The following ACSM3 variants were observed in gnomAD, a reference collection of about 807,000 sequenced individuals.
ACSM3 encodes acyl-CoA synthetase medium chain family member 3.
Under a neutral mutation model 74.1 loss-of-function variants are expected in ACSM3, and 61 were observed. The observed-to-expected ratio is 0.82, with a 90% CI of 0.67 to 1.02. The LOEUF is 1.02. Among genes scored for constraint, ACSM3 ranks in the 50% least tolerant of loss-of-function variants. ACSM3 has a pLI of 0.00. For missense variants in ACSM3, 660 were observed against 697.0 expected, an observed-to-expected ratio of 0.95 and a Z score of 0.60; for synonymous variants, 213 against 241.5, an observed-to-expected ratio of 0.88 and a Z score of 1.09.
rs1339614675 is a variant in ACSM3, at chr16:20,785,101, T to C, written c.1137T>C (p.Thr379=). 3 of 1,613,156 alleles carry C rather than the reference T, an allele frequency of 1.9e-6. No individual in the cohort carries two copies. The highest frequency in any genetic ancestry group is 2.5e-6 in the Non-Finnish European group (3 of 1,179,406). ...GLDIYEGYGQ[T]ETVLICGNFK... is the part of the protein sequence containing the mutation. ...ATATCTACGAAGGATATGGACAGACTGAAACGGTACCTGACCTCACTGAAA... is the reference window on the plus strand; with the variant it reads ...ATATCTACGAAGGATATGGACAGACCGAAACGGTACCTGACCTCACTGAAA... Residue 379 remains threonine (T), a synonymous_variant, in exon 8 of 14, where the codon ACT becomes ACC. Transcript: ENST00000289416.
In ACSM3 at chr16:20,692,509, G is replaced by A. The variant is rs79164659; in HGVS notation, c.-190+17687G>A. Reference sequence around the variant, plus strand: ...TGGAGACCAAGTTTTATTGTGCACCGGTATCTCTCAGACACCAGACGTCAG... The same window carrying A: ...TGGAGACCAAGTTTTATTGTGCACCAGTATCTCTCAGACACCAGACGTCAG... On this transcript the variant is annotated intron_variant, in intron 1 of 3. Transcript: ENST00000561584. Among the ~76,000 whole-genome samples, 653 of 152,158 alleles carry A rather than the reference G, an allele frequency of 4.3e-3. 4 individuals are homozygous for A. Among genetic ancestry groups the A allele is most frequent in the African/African-American group, 0.015 (606 of 41,486 alleles).
chr16:20,753,988 G>A (rs1297969169), intron 2 of ACSM3, among the ~76,000 whole-genome samples: 7 of 152,290 alleles, frequency 4.6e-5, no homozygotes, highest in African/African-American at 1.7e-4. Context: ...GTAATATCCT[G>A]GAGTAAGGGA....
chr16:20,767,439 C>A (rs1230170802), intron 1 of ACSM3, among the ~76,000 whole-genome samples: 1 of 21,938 alleles, frequency 4.6e-5, no homozygotes, highest in Admixed American at 3.2e-4. Flanking sequence ...ATGGCGTGAA[C>A]CCGGGAGGCG....
At chr16:20,738,483 T>C (rs772897659) in intron 1 of ACSM3, among the ~76,000 whole-genome samples, 4 of 152,068 alleles carry the variant, frequency 2.6e-5, no homozygotes, top group Non-Finnish European at 5.9e-5. Context: ...ACAAGTATAT[T>C]TGGGGCTGCT....
Position 20,777,430 on chromosome 16 carries a change from T to TACA in ACSM3, c.490_492dup (p.Gln164dup). On this transcript the variant is annotated inframe_insertion, in exon 4 of 14. Coordinates refer to ENST00000289416, the MANE Select transcript of ACSM3 (RefSeq NM_005622.4). ...ACCCAGAAAGACATTCTCTACAGAC[T>TACA]ACAATCTTCAAAAGCAAACTGCATT... The TACA allele has an allele frequency of 6.2e-7, 1 of 1,614,104 alleles. No homozygotes were observed. Among genetic ancestry groups the TACA allele is most frequent in the Non-Finnish European group, 8.5e-7 (1 of 1,179,962 alleles).
intron 1 of ACSM3, chr16:20,741,481 G>GGGGGGGGCCCCC: frequency 1.5e-6 from 2 of 1,308,414 alleles, no homozygotes; most frequent in Non-Finnish European, 2.0e-6. Flanking sequence ...CTGGCAGCCG[G>GGGGGGGGCCCCC]CCCGCCCGCC....
In ACSM3 at chr16:20,797,013, T is replaced by TA; in HGVS notation, c.*42dup. 1 of 1,598,598 alleles carries TA rather than the reference T, an allele frequency of 6.3e-7. No homozygotes were observed. Among genetic ancestry groups the TA allele is most frequent in the African/African-American group, 1.3e-5 (1 of 74,130 alleles). Reference sequence around the variant, plus strand: ...TACCATATCTATAAAACAAACATAGTATCTGTCAATCTCTAGAAACCACAA... The same window carrying TA: ...TACCATATCTATAAAACAAACATAGTAATCTGTCAATCTCTAGAAACCACAA... On this transcript the variant is annotated 3_prime_UTR_variant, in exon 14 of 14. Transcript: ENST00000289416.
At chr16:20,792,511 C>T (rs1287253613) in intron 12 of ACSM3, 176 bp downstream of exon 12, 1 of 984,424 alleles carries the variant, frequency 1.0e-6, no homozygotes, top group Non-Finnish European at 1.2e-6. Context: ...TTATGAGTTG[C>T]AGCTCTGATC....
chr16:20,742,808 TATA>T (rs1365697252), intron 1 of ACSM3, among the ~76,000 whole-genome samples: 2 of 46,148 alleles, frequency 4.3e-5, no homozygotes, highest in African/African-American at 1.0e-4. Flanking sequence ...TATATATATA[TATA>T]TATTTTTTTT....
chr16:20,763,378 C>T (rs2080093124), upstream of ACSM3, among the ~76,000 whole-genome samples: 1 of 152,120 alleles, frequency 6.6e-6, no homozygotes, highest in Admixed American at 6.5e-5. Context: ...GAAAGAGTTC[C>T]AGTCAGTGGA....
chr16:20,681,643 A>T (rs1301916271), intron 1 of ACSM3: 1 of 152,892 alleles, frequency 6.5e-6, no homozygotes, highest in African/African-American at 2.4e-5. Flanking sequence ...CAGTAGAAGA[A>T]GCTCAGCTCT....
At chr16:20,761,270 T>G (rs2152444391), upstream of ACSM3, among the ~76,000 whole-genome samples, 1 of 152,332 alleles carries the variant, frequency 6.6e-6, no homozygotes, top group South Asian at 2.1e-4. Context: ...CTATAACTTC[T>G]TTGTCCCTAA....
chr16:20,742,815 T>TATATATATATATATA (rs1567334289), intron 1 of ACSM3, among the ~76,000 whole-genome samples: 31 of 47,092 alleles, frequency 6.6e-4, no homozygotes, highest in African/African-American at 1.2e-3. Flanking sequence ...ATATATATAT[T>TATATATATATATATA]TTTTTTTTTT....
chr16:20,735,820 T>C (rs1281170717), intron 1 of ACSM3: 2 of 152,246 alleles, frequency 1.3e-5, no homozygotes, highest in African/African-American at 2.4e-5. Context: ...TTGCATCATA[T>C]GACATATCAT....
intron 1 of ACSM3, among the ~76,000 whole-genome samples, chr16:20,696,307 T>C (rs973463946): frequency 6.6e-6 from 1 of 152,216 alleles, no homozygotes; most frequent in African/African-American, 2.4e-5. Flanking sequence ...CTGTCTCTGT[T>C]TCGATATCTA....
At chr16:20,784,899 T>G in intron 7 of ACSM3, 85 bp from the exon 8 acceptor site, 3 of 1,459,892 alleles carry the variant, frequency 2.1e-6, no homozygotes, top group Non-Finnish European at 2.8e-6. Flanking sequence ...AAACATTTTA[T>G]ATTGAAGTTC....
intron 2 of ACSM3, among the ~76,000 whole-genome samples, chr16:20,754,827 C>A (rs1596500702): frequency 6.6e-6 from 1 of 152,190 alleles, no homozygotes; most frequent in East Asian, 1.9e-4. Context: ...CTGGGTTTTC[C>A]CACATGAGTA....
At chr16:20,711,553 A>G (rs2079744117) in intron 1 of ACSM3, 1 of 1,425,278 alleles carries the variant, frequency 7.0e-7, no homozygotes, top group Admixed American at 1.9e-5. Context: ...GGCCAAGTGC[A>G]TTGTGGCCAG....
intron 1 of ACSM3, among the ~76,000 whole-genome samples, chr16:20,724,964 A>G (rs965247793): frequency 6.6e-6 from 1 of 152,230 alleles, no homozygotes; most frequent in Non-Finnish European, 1.5e-5. Flanking sequence ...GCCCAAGGTA[A>G]TGTATAGATT....
Sources: allele counts gnomAD v4.1 joint callset (sites outside exome capture counted in the v4.1 genomes callset), GRCh38; gene constraint gnomAD v4.1.1; transcripts MANE v1.5; gene names NCBI Gene and HGNC (gene_info 2026-07-23, HGNC 2026-07-21).